The following GLIS1 variants were observed in gnomAD, a reference collection of about 807,000 sequenced individuals.
GLIS1 encodes the protein GLIS family zinc finger 1, also known as zinc finger protein GLIS1.
In GLIS1, 24 loss-of-function variants were observed where a neutral mutation model predicts 63.8. The observed-to-expected ratio is 0.38, with a 90% CI of 0.27 to 0.53. The LOEUF (loss-of-function observed/expected upper bound fraction) is 0.53. GLIS1 is among the 20% of genes least tolerant of loss of function. GLIS1 has a pLI of 0.85. For synonymous variants in GLIS1, 450 were observed against 482.5 expected (o/e 0.93, Z 0.88); for missense variants, 1,036 against 1,074.1 (o/e 0.96, Z 0.50).
chr1:53,589,418 A>G (rs1645167279), intron 4 of GLIS1, among the ~76,000 whole-genome samples: 2 of 152,116 alleles, frequency 1.3e-5, no homozygotes, highest in Admixed American at 1.3e-4. Flanking sequence ...GAGGGGGGTA[A>G]AGGTTTGGGG....
intron 4 of GLIS1, among the ~76,000 whole-genome samples, chr1:53,556,317 GTACTGCAGGTGTGTGTGTGCAGGCA>G (rs1476925665): frequency 2.9e-4 from 40 of 139,430 alleles, no homozygotes; most frequent in Non-Finnish European, 4.0e-4. Flanking sequence ...GTGTGCAGGT[GTACTGCAGGTGTGTGTGTGCAGGCA>G]TACTGCAGGT....
intron 4 of GLIS1, among the ~76,000 whole-genome samples, chr1:53,590,065 C>T (rs1645173388): frequency 6.6e-6 from 1 of 152,202 alleles, no homozygotes; most frequent in South Asian, 2.1e-4. Flanking sequence ...TGTAAATCAG[C>T]TGTAAATAAC....
chr1:53,631,860 C>A (rs186744727), intron 2 of GLIS1, among the ~76,000 whole-genome samples: 1 of 151,918 alleles, frequency 6.6e-6, no homozygotes, highest in African/African-American at 2.4e-5. Flanking sequence ...GAGCAGCAGA[C>A]CTTACTAATG....
At chr1:53,573,552 CAT>C (rs909176603) in intron 4 of GLIS1, among the ~76,000 whole-genome samples, 56 of 152,352 alleles carry the variant, frequency 3.7e-4, no homozygotes, top group African/African-American at 1.3e-3. Context: ...CACACGTACA[CAT>C]AGTTACATGG....
chr1:53,651,515 TG>T (rs570972947), intron 2 of GLIS1, among the ~76,000 whole-genome samples: 2 of 152,108 alleles, frequency 1.3e-5, no homozygotes, highest in Admixed American at 1.3e-4. Flanking sequence ...CAGGTGGGTC[TG>T]GGGGGGCGAC....
intron 7 of GLIS1, among the ~76,000 whole-genome samples, chr1:53,517,095 T>C (rs1363970703): frequency 3.9e-5 from 6 of 152,114 alleles, no homozygotes; most frequent in Non-Finnish European, 5.9e-5. Flanking sequence ...TATTAACAAG[T>C]TGAATGACTT....
intron 4 of GLIS1, among the ~76,000 whole-genome samples, chr1:53,588,731 G>A (rs2100515434): frequency 6.6e-6 from 1 of 152,344 alleles, no homozygotes; most frequent in Admixed American, 6.5e-5. Flanking sequence ...GATTTGAAAA[G>A]CACAGAGGTG....
intron 4 of GLIS1, among the ~76,000 whole-genome samples, chr1:53,578,191 T>C: frequency 6.6e-6 from 1 of 152,164 alleles, no homozygotes. Context: ...CTGCTTGCTA[T>C]AGCAGCCTGA....
At chr1:53,684,594 A>G (rs1646310586) in intron 2 of GLIS1, among the ~76,000 whole-genome samples, 1 of 151,876 alleles carries the variant, frequency 6.6e-6, no homozygotes, top group South Asian at 2.1e-4. Flanking sequence ...TACCTCCTGA[A>G]GCACAGTTTG....
Position 53,506,461 on chromosome 1 carries a change from C to T in GLIS1, c.*158G>A, listed in dbSNP as rs533207582. Reference sequence around the variant, plus strand: ...AGCTCGGATGGCGGCTCCCTGGCAGCGCTGGGTGGGGTGGCAGCGCTGGCT... The same window carrying T: ...AGCTCGGATGGCGGCTCCCTGGCAGTGCTGGGTGGGGTGGCAGCGCTGGCT... On this transcript the variant is annotated 3_prime_UTR_variant, in exon 11 of 11. Transcript: ENST00000628545. 71 of 727,776 alleles carry T rather than the reference C, an allele frequency of 9.8e-5. 2 individuals are homozygous for T. The highest frequency in any genetic ancestry group is 9.7e-4 in the South Asian group (52 of 53,398). 45.1% of individuals were successfully genotyped at this position (727,776 alleles called of 1,614,324 possible).
At chr1:53,520,588 G>T in intron 7 of GLIS1, 46 bp downstream of exon 7, 1 of 1,539,946 alleles carries the variant, frequency 6.5e-7, no homozygotes, top group Non-Finnish European at 8.7e-7. Flanking sequence ...GCAGAGAAAG[G>T]CCCCTCCTGG....
rs746559771 is a variant in GLIS1, at chr1:53,594,866, G to A, written c.562C>T (p.Arg188Trp). 19 of 1,580,572 alleles carry A rather than the reference G, an allele frequency of 1.2e-5. No individual in the cohort carries two copies. The highest frequency in any genetic ancestry group is 3.6e-5 in the Admixed American group (2 of 55,928). The stretch of plus-strand genomic sequence containing the variant: ...TGCAGGCCAGTGGCCAGCGGGCCCC[G>A]ACAGTGGGCAGACAGGGATGTGCGG... ...EARTSLSAHCRGPLATGLHPD... is the reference protein window; with the variant it reads ...EARTSLSAHCWGPLATGLHPD... Residue 188 changes from arginine to tryptophan, a missense_variant, in exon 4 of 11, where the codon CGG becomes TGG. Physicochemically the swap from Arg to Trp is moderately radical, Grantham distance 101. This residue lies in a region of GLIS1 where 592 missense variants were observed against 593.9 expected (regional missense o/e 1.00). Transcript: ENST00000628545.
At chr1:53,550,567 T>A (rs2100400493) in intron 4 of GLIS1, among the ~76,000 whole-genome samples, 1 of 152,302 alleles carries the variant, frequency 6.6e-6, no homozygotes, top group Admixed American at 6.5e-5. Context: ...CATTATGAAC[T>A]ATGAGTGGCG....
chr1:53,551,798 C>T (rs1290068752), intron 4 of GLIS1, among the ~76,000 whole-genome samples: 2 of 152,116 alleles, frequency 1.3e-5, no homozygotes, highest in East Asian at 3.8e-4. Flanking sequence ...CTGTGCCCAC[C>T]GCCTTCCCTG....
chr1:53,707,519 G>A (rs374234163), intron 2 of GLIS1, among the ~76,000 whole-genome samples: 1 of 152,088 alleles, frequency 6.6e-6, no homozygotes, highest in East Asian at 1.9e-4. Flanking sequence ...GCATGGTGGT[G>A]TGCGCCTGTA....
intron 2 of GLIS1, among the ~76,000 whole-genome samples, chr1:53,603,442 C>T (rs978948708): frequency 2.0e-5 from 3 of 152,218 alleles, no homozygotes; most frequent in African/African-American, 7.2e-5. Flanking sequence ...GGAAGTTAAA[C>T]CCAACACTGC....
At chr1:53,601,062 CA>C (rs34046199) in intron 2 of GLIS1, among the ~76,000 whole-genome samples, 122,321 of 152,058 alleles carry the variant, frequency 0.8, 53,996 homozygotes, top group Non-Finnish European at 0.99. Context: ...TATACACCTC[CA>C]AACTCCATTT....
chr1:53,726,283 C>T (rs1186065759), intron 2 of GLIS1, among the ~76,000 whole-genome samples: 3 of 152,144 alleles, frequency 2.0e-5, no homozygotes, highest in African/African-American at 7.2e-5. Context: ...GAACTCCGGG[C>T]ACATCATTTA....
At chr1:53,528,448 C>T (rs1249660488) in intron 5 of GLIS1, among the ~76,000 whole-genome samples, 3 of 152,114 alleles carry the variant, frequency 2.0e-5, no homozygotes, top group Non-Finnish European at 4.4e-5. Flanking sequence ...CTTTGAGTCT[C>T]AATTTATGAA....
Sources: gnomAD v4.1 joint callset for allele counts (sites outside exome capture counted in the v4.1 genomes callset) on GRCh38, gnomAD v4.1.1 for gene constraint, gnomAD v4.1.1 regional missense constraint, MANE v1.5 for transcripts, NCBI Gene and HGNC (gene_info 2026-07-23, HGNC 2026-07-21) for gene names.